The following PPARD variants were observed in gnomAD, a reference collection of about 807,000 sequenced individuals.
The protein encoded by PPARD is peroxisome proliferator-activated receptor delta.
PPARD carries 6 observed loss-of-function variants against 39.5 expected under a neutral mutation model. That is an observed-to-expected ratio of 0.15 (90% CI 0.08 to 0.30). PPARD has a LOEUF of 0.30. PPARD is among the 10% of genes least tolerant of loss of function. The pLI is 1.00. For synonymous variants in PPARD, 210 were observed against 231.3 expected (o/e 0.91, Z 0.83); for missense variants, 397 against 596.8 (o/e 0.67, Z 3.49).
intron 2 of PPARD, among the ~76,000 whole-genome samples, chr6:35,355,643 G>T (rs376041530): frequency 2.1e-5 from 2 of 93,618 alleles, no homozygotes; most frequent in African/African-American, 4.4e-5. Flanking sequence ...ACGGAGTCTC[G>T]CTTTGTTGCC....
intron 3 of PPARD, among the ~76,000 whole-genome samples, chr6:35,415,847 T>C (rs145521939): frequency 0.015 from 2,220 of 150,670 alleles, 18 homozygotes; most frequent in Non-Finnish European, 0.021. Context: ...CACACAGTTG[T>C]TGGAGTGGCA....
chr6:35,402,925 C>T (rs979492044), intron 2 of PPARD, among the ~76,000 whole-genome samples: 26 of 152,204 alleles, frequency 1.7e-4, no homozygotes, highest in African/African-American at 5.8e-4. Flanking sequence ...GCCACGGAGA[C>T]GGGGCAACCT....
chr6:35,424,862 G>A lies in PPARD; in HGVS notation c.1078+83G>A. Reference sequence around the variant, plus strand: ...GCCCTCACTGCAGGGCACTGTGCCTGAGCTCTGACAGTGTGGGGAAGTGTC... The same window carrying A: ...GCCCTCACTGCAGGGCACTGTGCCTAAGCTCTGACAGTGTGGGGAAGTGTC... On this transcript the variant is annotated intron_variant, in intron 7 of 7. Transcript: ENST00000360694. This position sits in a 1 kb window ranked among gnomAD's most constrained non-coding sequence, Gnocchi z 7.1. 2 of 1,534,546 alleles carry A rather than the reference G, an allele frequency of 1.3e-6. No individual in the cohort carries two copies. Among genetic ancestry groups the A allele is most frequent in the Non-Finnish European group, 1.8e-6 (2 of 1,142,636 alleles).
chr6:35,415,303 G>A (rs777078326), intron 3 of PPARD, among the ~76,000 whole-genome samples: 1 of 152,178 alleles, frequency 6.6e-6, no homozygotes, highest in Non-Finnish European at 1.5e-5. Context: ...TGCAGAATTT[G>A]GCCTGACTTC....
At chr6:35,350,409 TTGA>T (rs1401249147) in intron 2 of PPARD, among the ~76,000 whole-genome samples, 1 of 152,138 alleles carries the variant, frequency 6.6e-6, no homozygotes, top group Non-Finnish European at 1.5e-5. Context: ...AGTCTTTATT[TTGA>T]TTTGGTTTTT....
In PPARD at chr6:35,401,433, G is replaced by A. The variant is rs778984141; in HGVS notation, c.-101-9554G>A. 1.8e-4 allele frequency among the ~76,000 whole-genome samples: 27 copies of A among 152,150 alleles called. No homozygotes were observed. The highest frequency in any genetic ancestry group is 1.0e-4 in the Non-Finnish European group (7 of 68,024). On this transcript the variant is annotated intron_variant, in intron 2 of 7. Transcript: ENST00000360694. The surrounding 1 kb of genome is among the most constrained non-coding windows in gnomAD (Gnocchi z 4.1). ...CCTGAAAAGTCTTTGTAAAAATGCA[G>A]CTCTGTTCCTCCCCATCCTCTTCAT...
At position 35,363,862 on chromosome 6, in the gene PPARD, TCAC is replaced by T. The variant is rs1464721652; in HGVS notation, c.-102+16716_-102+16718del. Among the ~76,000 whole-genome samples the T allele has an allele frequency of 6.6e-6, 1 of 151,784 alleles. No individual in the cohort carries two copies. Among genetic ancestry groups the T allele is most frequent in the Non-Finnish European group, 1.5e-5 (1 of 67,972 alleles). On this transcript the variant is annotated intron_variant, in intron 2 of 7. Transcript: ENST00000360694. The surrounding 1 kb of genome is among the most constrained non-coding windows in gnomAD (Gnocchi z 4.5). ...TAAGATATAGTTCACATAACCAAATTCACCACTTTAAAGTGTGTACTTTGATGG... is the reference window on the plus strand; with the variant it reads ...TAAGATATAGTTCACATAACCAAATTCACTTTAAAGTGTGTACTTTGATGG...
At chr6:35,398,842 G>T (rs141220006) in intron 2 of PPARD, among the ~76,000 whole-genome samples, 1 of 152,198 alleles carries the variant, frequency 6.6e-6, no homozygotes, top group Non-Finnish European at 1.5e-5. Context: ...GGCCAGGCGC[G>T]GTGGCTTATG....
chr6:35,381,439 T>G (rs1318408802), intron 2 of PPARD, among the ~76,000 whole-genome samples: 1 of 152,188 alleles, frequency 6.6e-6, no homozygotes, highest in Non-Finnish European at 1.5e-5. Flanking sequence ...GTAGAAATTT[T>G]TTCTATTGTG....
intron 2 of PPARD, among the ~76,000 whole-genome samples, chr6:35,381,994 G>A (rs1457430278): frequency 2.6e-5 from 4 of 152,206 alleles, no homozygotes; most frequent in East Asian, 1.9e-4. Context: ...CTCCAAGGGC[G>A]CATTCTAGAG....
chr6:35,376,377 C>T (rs1762817154), intron 2 of PPARD, among the ~76,000 whole-genome samples: 2 of 151,992 alleles, frequency 1.3e-5, no homozygotes, highest in East Asian at 3.9e-4. Flanking sequence ...TTTAATCATC[C>T]AAGTTTTCTT....
In PPARD at chr6:35,420,203, C is replaced by T. The variant is rs762783643; in HGVS notation, c.207C>T (p.Ser69=). ...GCTGTGACGGGGCCTCATGCGGCAG[C>T]CTCAACATGGAGTGCCGGGTGTGCG... ...QMGCDGASCG[S]LNMECRVCGD... Residue 69 remains serine (S), a synonymous_variant, in exon 4 of 8, where the codon AGC becomes AGT. Transcript: ENST00000360694. 6.2e-7 allele frequency: 1 copy of T among 1,612,608 alleles called. No individual in the cohort carries two copies. Among genetic ancestry groups the T allele is most frequent in the East Asian group, 2.2e-5 (1 of 44,770 alleles).
At chr6:35,342,930 C>CT (rs1791939193) in intron 1 of PPARD, among the ~76,000 whole-genome samples, 1 of 151,280 alleles carries the variant, frequency 6.6e-6, no homozygotes, top group African/African-American at 2.4e-5. Context: ...CCCATAGCTG[C>CT]TTGAGTGAGT....
At chr6:35,398,023 C>T (rs747693043) in intron 2 of PPARD, among the ~76,000 whole-genome samples, 1 of 152,146 alleles carries the variant, frequency 6.6e-6, no homozygotes, top group African/African-American at 2.4e-5. Context: ...AGCAGGAGGC[C>T]GTGTGCCTGG....
chr6:35,347,221 C>T, intron 2 of PPARD, 71 bp downstream of exon 2: 1 of 1,495,048 alleles, frequency 6.7e-7, no homozygotes, highest in South Asian at 1.2e-5. Flanking sequence ...AGATCCTGAC[C>T]TTGAAGATGA....
chr6:35,421,441 G>A (rs1002750637), intron 4 of PPARD, among the ~76,000 whole-genome samples: 3 of 151,898 alleles, frequency 2.0e-5, no homozygotes, highest in Non-Finnish European at 4.4e-5. Flanking sequence ...GGGTTCAAGC[G>A]ATTCCCCTGC....
At chr6:35,376,401 G>A (rs980514254) in intron 2 of PPARD, among the ~76,000 whole-genome samples, 3 of 151,648 alleles carry the variant, frequency 2.0e-5, no homozygotes, top group Non-Finnish European at 4.4e-5. Flanking sequence ...TAGTTTCTTT[G>A]AGACTGTCTT....
At chr6:35,386,063 T>C (rs1466935219) in intron 2 of PPARD, among the ~76,000 whole-genome samples, 1 of 152,008 alleles carries the variant, frequency 6.6e-6, no homozygotes, top group Non-Finnish European at 1.5e-5. Flanking sequence ...GAGGAAGTGG[T>C]TGACAGAATC....
intron 2 of PPARD, among the ~76,000 whole-genome samples, chr6:35,392,377 C>T (rs1199777274): frequency 6.6e-6 from 1 of 152,144 alleles, no homozygotes; most frequent in Non-Finnish European, 1.5e-5. Flanking sequence ...ATAAATGCTT[C>T]CATGCTGTGT....
Sources: gnomAD v4.1 joint callset for allele counts (sites outside exome capture counted in the v4.1 genomes callset) on GRCh38, gnomAD v4.1.1 for gene constraint, Gnocchi (gnomAD v3.1) non-coding constraint, MANE v1.5 for transcripts, NCBI Gene and HGNC (gene_info 2026-07-23, HGNC 2026-07-21) for gene names.